Variants in ARHGAP29 observed in about 807,000 individuals in gnomAD.
The protein encoded by ARHGAP29 is rho GTPase-activating protein 29.
ARHGAP29 carries 43 observed loss-of-function variants against 122.6 expected under a neutral mutation model. The ratio of observed to expected loss-of-function variants is 0.35; its 90% CI spans 0.27 to 0.45. The LOEUF is 0.45. ARHGAP29 is among the 20% of genes least tolerant of loss of function. The pLI is 1.00. For missense variants in ARHGAP29, 1,303 were observed against 1,477.2 expected, an observed-to-expected ratio of 0.88 and a Z score of 1.93; for synonymous variants, 506 against 497.1, an observed-to-expected ratio of 1.02 and a Z score of -0.24.
rs140627548 is a variant in ARHGAP29 at position 94,169,684 on chromosome 1, G to A, written c.*4185C>T. Among the ~76,000 whole-genome samples, 76 of 152,242 alleles carry A rather than the reference G, an allele frequency of 5.0e-4. No homozygotes were observed. Among genetic ancestry groups the A allele is most frequent in the African/African-American group, 1.7e-3 (69 of 41,548 alleles). On this transcript the variant is annotated 3_prime_UTR_variant, in exon 23 of 23. Coordinates refer to ENST00000260526, the MANE Select transcript of ARHGAP29 (RefSeq NM_004815.4). ...CAATAAGACAGTGAGCCTTTCTCAG[G>A]TCTTCATTTCCATATACCATTTCCC... is the stretch of plus-strand genomic sequence containing the variant.
intron 5 of ARHGAP29, among the ~76,000 whole-genome samples, chr1:94,207,535 T>C (rs1651282266): frequency 1.4e-5 from 1 of 73,260 alleles, no homozygotes; most frequent in African/African-American, 4.1e-5. Flanking sequence ...AAAATTTAAA[T>C]TGTTCAGTGT....
intron 2 of ARHGAP29, among the ~76,000 whole-genome samples, chr1:94,228,003 C>T (rs1652716287): frequency 6.6e-6 from 1 of 151,756 alleles, no homozygotes; most frequent in African/African-American, 2.4e-5. Flanking sequence ...AAGGTAACCT[C>T]CTCCTGGAGG....
chr1:94,224,782 G>C (rs1364053202), intron 2 of ARHGAP29, among the ~76,000 whole-genome samples: 1 of 152,056 alleles, frequency 6.6e-6, no homozygotes, highest in Non-Finnish European at 1.5e-5. Context: ...CCAATAACTG[G>C]TGGCAGCACA....
At position 94,174,292 on chromosome 1, in the gene ARHGAP29, G is replaced by A; in HGVS notation, c.3363C>T (p.Ala1121=). Residue 1121 remains alanine, a synonymous_variant, in exon 23 of 23, where the codon GCC becomes GCT. Coordinates refer to ENST00000260526, the MANE Select transcript of ARHGAP29 (RefSeq NM_004815.4). The part of the protein sequence containing the change: ...LQISGDHSIN[A]TQPSKPYAEP... ...CTGCATATGGCTTACTGGGTTGAGT[G>A]GCATTGATAGAATGGTCCCCACTAA... 6.2e-7 allele frequency: 1 copy of A among 1,614,144 alleles called. No homozygotes were observed. Among genetic ancestry groups the A allele is most frequent in the Non-Finnish European group, 8.5e-7 (1 of 1,180,026 alleles).
chr1:94,193,101 G>A (rs976671556), intron 12 of ARHGAP29: 1 of 152,060 alleles, frequency 6.6e-6, no homozygotes, highest in South Asian at 2.1e-4. Flanking sequence ...GCAAAGAAAT[G>A]TAAGATATAA....
chr1:94,240,797 A>G (rs12140405), upstream of ARHGAP29, among the ~76,000 whole-genome samples: 6,721 of 152,178 alleles, frequency 0.044, 194 homozygotes, highest in South Asian at 0.12. Flanking sequence ...AATCTTCCTC[A>G]TGTGTTCTCT....
At chr1:94,180,938 T>C (rs1649415473) in intron 19 of ARHGAP29, among the ~76,000 whole-genome samples, 2 of 152,184 alleles carry the variant, frequency 1.3e-5, no homozygotes, top group Admixed American at 6.5e-5. Flanking sequence ...TCAAAGGTAT[T>C]TGGCCTCCAT....
At chr1:94,209,151 T>C (rs1188226883) in intron 4 of ARHGAP29, 103 bp downstream of exon 4, 5 of 917,528 alleles carry the variant, frequency 5.4e-6, no homozygotes, top group East Asian at 2.5e-5. Flanking sequence ...TGATATTTAA[T>C]ACCATTTAAT....
chr1:94,171,311 G>C lies in ARHGAP29; in HGVS notation c.*2558C>G, dbSNP rs984801295. ...ATACACTGCCTAAGGTACACTAAAA[G>C]TAATTTAACATACTGTACTCATAAA... On this transcript the variant is annotated 3_prime_UTR_variant, in exon 23 of 23. Coordinates refer to ENST00000260526, the MANE Select transcript of ARHGAP29 (RefSeq NM_004815.4). 6.6e-6 allele frequency among the ~76,000 whole-genome samples: 1 copy of C among 152,158 alleles called. No homozygotes were observed. The highest frequency in any genetic ancestry group is 1.5e-5 in the Non-Finnish European group (1 of 68,034).
At chr1:94,296,748 A>C in the ARHGAP29 span, among the ~76,000 whole-genome samples, 1 of 152,198 alleles carries the variant, frequency 6.6e-6, no homozygotes, top group Non-Finnish European at 1.5e-5. Flanking sequence ...CTGGAGAGGC[A>C]AACAGAGAGC....
chr1:94,187,076 T>C (rs915532182), intron 15 of ARHGAP29, among the ~76,000 whole-genome samples: 2 of 152,186 alleles, frequency 1.3e-5, no homozygotes, highest in Non-Finnish European at 1.5e-5. Flanking sequence ...CACATTTATG[T>C]TACTGGCAAG....
At chr1:94,313,562 A>G in the ARHGAP29 span, among the ~76,000 whole-genome samples, 2 of 152,328 alleles carry the variant, frequency 1.3e-5, no homozygotes, top group South Asian at 4.1e-4. Flanking sequence ...ACCATTGTGG[A>G]AGACAGTGTG....
intron 19 of ARHGAP29, 86 bp downstream of exon 19, chr1:94,184,065 T>C (rs1001500786): frequency 8.4e-6 from 12 of 1,436,332 alleles, no homozygotes; most frequent in Non-Finnish European, 1.2e-5. Context: ...TGAAAAAACA[T>C]GTGTAGCAAA....
the ARHGAP29 span, among the ~76,000 whole-genome samples, chr1:94,283,143 T>G: frequency 6.6e-6 from 1 of 152,306 alleles, no homozygotes; most frequent in South Asian, 2.1e-4. Flanking sequence ...CTGTAAGATT[T>G]TTTATTGAGT....
chr1:94,221,059 C>G lies in ARHGAP29; in HGVS notation c.206-667G>C, dbSNP rs7537233. 9.5e-3 allele frequency among the ~76,000 whole-genome samples: 1,440 copies of G among 152,242 alleles called. 19 individuals carry two copies. Among genetic ancestry groups the G allele is most frequent in the African/African-American group, 0.033 (1,369 of 41,538 alleles). On this transcript the variant is annotated intron_variant, in intron 2 of 22. Transcript: ENST00000260526. ...CAGTGCTCATTCATTTTCTCCCAGC[C>G]TACTCCACTCATTTACATCATCCTA...
At chr1:94,275,920 A>C (rs1417097752), upstream of ARHGAP29, among the ~76,000 whole-genome samples, 1 of 151,944 alleles carries the variant, frequency 6.6e-6, no homozygotes, top group Non-Finnish European at 1.5e-5. Flanking sequence ...TTTGGGTAGA[A>C]ACAGAGCTAC....
chr1:94,279,048 T>C (rs1248054423), upstream of ARHGAP29, among the ~76,000 whole-genome samples: 1 of 152,244 alleles, frequency 6.6e-6, no homozygotes, highest in Non-Finnish European at 1.5e-5. Flanking sequence ...AACAACTTGT[T>C]ATTAATCTGG....
chr1:94,278,744 C>T (rs1655264681), upstream of ARHGAP29, among the ~76,000 whole-genome samples: 1 of 152,156 alleles, frequency 6.6e-6, no homozygotes, highest in Non-Finnish European at 1.5e-5. Flanking sequence ...CCTCAGGATA[C>T]ATTCACATTA....
At chr1:94,302,812 A>T in the ARHGAP29 span, 1 of 246,798 alleles carries the variant, frequency 4.1e-6, no homozygotes, top group Admixed American at 5.4e-5. Context: ...GTGAAGCGGC[A>T]TCGGAGGGGG....
Sources: gnomAD v4.1 joint callset for allele counts (sites outside exome capture counted in the v4.1 genomes callset) on GRCh38, gnomAD v4.1.1 for gene constraint, MANE v1.5 for transcripts, NCBI Gene and HGNC (gene_info 2026-07-23, HGNC 2026-07-21) for gene names.